The following FSIP1 variants were observed in gnomAD, a reference collection of about 807,000 sequenced individuals.
FSIP1 encodes the protein fibrous sheath-interacting protein 1.
Under a neutral mutation model 60.9 loss-of-function variants are expected in FSIP1, and 65 were observed. The ratio of observed to expected loss-of-function variants is 1.07; its 90% CI spans 0.87 to 1.31. FSIP1 has a LOEUF of 1.31. Among genes scored for constraint, FSIP1 ranks in the 40% most tolerant of loss-of-function variants. FSIP1 has a pLI of 0.00. For synonymous variants in FSIP1, 209 were observed against 221.2 expected, an observed-to-expected ratio of 0.94 and a Z score of 0.49; for missense variants, 675 against 665.5, an observed-to-expected ratio of 1.01 and a Z score of -0.16.
At chr15:39,763,025 C>T (rs1424103419) in intron 5 of FSIP1, among the ~76,000 whole-genome samples, 1 of 152,124 alleles carries the variant, frequency 6.6e-6, no homozygotes, top group Admixed American at 6.6e-5. Flanking sequence ...TTGCATTAAA[C>T]ACATCTCAAA....
At chr15:39,697,718 C>T (rs555683798) in intron 10 of FSIP1, among the ~76,000 whole-genome samples, 1 of 152,324 alleles carries the variant, frequency 6.6e-6, no homozygotes, top group Admixed American at 6.5e-5. Context: ...ACACACTTCT[C>T]CTACTTCTCA....
At chr15:39,724,443 AG>A (rs1444032277) in intron 9 of FSIP1, among the ~76,000 whole-genome samples, 2 of 151,968 alleles carry the variant, frequency 1.3e-5, no homozygotes, top group Non-Finnish European at 2.9e-5. Context: ...TAGTAGAGAC[AG>A]GGTTGCACCG....
At chr15:39,653,175 C>CAAAAAAA (rs35671970) in intron 10 of FSIP1, among the ~76,000 whole-genome samples, 1 of 116,670 alleles carries the variant, frequency 8.6e-6, no homozygotes, top group Non-Finnish European at 1.7e-5. Context: ...GACTTTGTCT[C>CAAAAAAA]AAAAAAAAAA....
chr15:39,726,300 A>G lies in FSIP1; in HGVS notation c.1050+289T>C, dbSNP rs545523704. ...AAATAAGGCTCTCAAAGGACTCGTG[A>G]GTGCCATATCCGCTTTCTTCCCTCC... On this transcript the variant is annotated intron_variant, in intron 9 of 11. Transcript: ENST00000350221. 3.3e-5 allele frequency among the ~76,000 whole-genome samples: 5 copies of G among 152,322 alleles called. No individual in the cohort carries two copies. In the East Asian group the frequency reaches 9.6e-4, roughly 29 times the overall value.
chr15:39,656,751 CA>C (rs1407668056), intron 10 of FSIP1, among the ~76,000 whole-genome samples: 7 of 152,178 alleles, frequency 4.6e-5, no homozygotes, highest in Non-Finnish European at 1.0e-4. Flanking sequence ...AAGTAAGTGA[CA>C]TTTTTTGGAA....
chr15:39,646,965 C>T (rs1019193329), intron 10 of FSIP1, among the ~76,000 whole-genome samples: 1 of 151,980 alleles, frequency 6.6e-6, no homozygotes, highest in Non-Finnish European at 1.5e-5. Context: ...ATAAACCAGA[C>T]ACAGAAAGAA....
intron 5 of FSIP1, among the ~76,000 whole-genome samples, chr15:39,760,779 A>G (rs1393278334): frequency 6.6e-6 from 1 of 152,166 alleles, no homozygotes; most frequent in Non-Finnish European, 1.5e-5. Context: ...AAGAAAGTCT[A>G]TACTTTAATT....
chr15:39,663,387 T>G (rs549694499), intron 10 of FSIP1, among the ~76,000 whole-genome samples: 1 of 152,266 alleles, frequency 6.6e-6, no homozygotes, highest in Admixed American at 6.5e-5. Context: ...ATATAAATCT[T>G]AATTGTATCT....
chr15:39,749,611 G>T (rs1897106094), intron 5 of FSIP1, among the ~76,000 whole-genome samples: 1 of 152,000 alleles, frequency 6.6e-6, no homozygotes, highest in Admixed American at 6.6e-5. Flanking sequence ...ATTTGACAAA[G>T]TTCAACATCC....
intron 2 of FSIP1, among the ~76,000 whole-genome samples, chr15:39,773,142 T>C (rs1897944547): frequency 6.6e-6 from 1 of 152,166 alleles, no homozygotes; most frequent in Non-Finnish European, 1.5e-5. Context: ...TTTAAGCTCA[T>C]TTTCTGCTGT....
At chr15:39,601,181 T>C (rs1050323226) in intron 11 of FSIP1, among the ~76,000 whole-genome samples, 1 of 152,226 alleles carries the variant, frequency 6.6e-6, no homozygotes, top group African/African-American at 2.4e-5. Context: ...AAAATGATTA[T>C]GGATGTGGAG....
chr15:39,645,175 C>T (rs1013805091), intron 10 of FSIP1, among the ~76,000 whole-genome samples: 4 of 152,188 alleles, frequency 2.6e-5, no homozygotes, highest in African/African-American at 9.7e-5. Context: ...AAACTTTCTA[C>T]ATTCTTAGTG....
At chr15:39,740,379 C>G (rs1051130360) in intron 6 of FSIP1, among the ~76,000 whole-genome samples, 13 of 152,174 alleles carry the variant, frequency 8.5e-5, no homozygotes, top group African/African-American at 3.1e-4. Flanking sequence ...CTGAGATATT[C>G]AGACACCGAG....
chr15:39,621,863 C>T lies in FSIP1; in HGVS notation c.1189-3618G>A, dbSNP rs142520151. 3.3e-3 allele frequency among the ~76,000 whole-genome samples: 509 copies of T among 152,252 alleles called. 2 individuals are homozygous for T. The highest frequency in any genetic ancestry group is 0.011 in the South Asian group (53 of 4,810). The stretch of plus-strand genomic sequence containing the variant: ...TACAGATTGGAAACTTCAACACGAC[C>T]CATCTTTCTCATCTTTTGATTCCCA... On this transcript the variant is annotated intron_variant, in intron 10 of 11. Coordinates refer to ENST00000350221, the MANE Select transcript of FSIP1 (RefSeq NM_152597.5).
At chr15:39,660,065 C>G (rs1893236202) in intron 10 of FSIP1, among the ~76,000 whole-genome samples, 1 of 152,116 alleles carries the variant, frequency 6.6e-6, no homozygotes, top group Admixed American at 6.5e-5. Flanking sequence ...CCAACTAACT[C>G]CAGGGGCAAG....
chr15:39,682,038 G>T (rs1894185792), intron 10 of FSIP1, among the ~76,000 whole-genome samples: 1 of 152,018 alleles, frequency 6.6e-6, no homozygotes, highest in African/African-American at 2.4e-5. Flanking sequence ...TTAATAATTT[G>T]GGGGCCAAAA....
intron 5 of FSIP1, among the ~76,000 whole-genome samples, chr15:39,752,109 A>C (rs980800199): frequency 3.9e-5 from 6 of 152,034 alleles, no homozygotes; most frequent in African/African-American, 1.4e-4. Context: ...TATTTAGTTT[A>C]ATGAGGTTCC....
intron 10 of FSIP1, among the ~76,000 whole-genome samples, chr15:39,662,389 G>A (rs1474980779): frequency 6.6e-6 from 1 of 152,086 alleles, no homozygotes; most frequent in Admixed American, 6.6e-5. Flanking sequence ...ACCCAGAAGA[G>A]TTCTTTAGAA....
intron 10 of FSIP1, among the ~76,000 whole-genome samples, chr15:39,657,712 C>T (rs1893125479): frequency 6.6e-6 from 1 of 152,116 alleles, no homozygotes; most frequent in Non-Finnish European, 1.5e-5. Context: ...CAGGATATGC[C>T]ACCATTGTTT....
Sources: gnomAD v4.1 joint callset for allele counts (sites outside exome capture counted in the v4.1 genomes callset) on GRCh38, gnomAD v4.1.1 for gene constraint, MANE v1.5 for transcripts, NCBI Gene and HGNC (gene_info 2026-07-23, HGNC 2026-07-21) for gene names.